Variants in KSR1 observed in about 807,000 individuals in gnomAD.
KSR1 encodes kinase suppressor of ras 1, also known as kinase suppressor of ras.
In KSR1, 35 loss-of-function variants were observed where a neutral mutation model predicts 92.9. The observed-to-expected ratio is 0.38, with a 90% CI of 0.29 to 0.50. The LOEUF is 0.50. Among genes scored for constraint, KSR1 ranks in the 20% least tolerant of loss-of-function variants. The pLI is 0.94. For missense variants in KSR1, 972 were observed against 1,158.5 expected (o/e 0.84, Z 2.34); for synonymous variants, 467 against 472.6 (o/e 0.99, Z 0.15).
At chr17:27,570,331 G>A (rs754872619) in intron 2 of KSR1, among the ~76,000 whole-genome samples, 14 of 152,156 alleles carry the variant, frequency 9.2e-5, no homozygotes, top group Admixed American at 2.0e-4. Flanking sequence ...CAAGTTACCC[G>A]CCCTCTCTCA....
chr17:27,477,699 A>T (rs181541653), intron 1 of KSR1, among the ~76,000 whole-genome samples: 1 of 150,922 alleles, frequency 6.6e-6, no homozygotes, highest in East Asian at 1.9e-4. Context: ...GCTTCAGGGG[A>T]AGTTCCCTGT....
chr17:27,598,096 G>A (rs556404346), intron 10 of KSR1, among the ~76,000 whole-genome samples: 1 of 152,324 alleles, frequency 6.6e-6, no homozygotes, highest in African/African-American at 2.4e-5. Flanking sequence ...CCTGCCCTCA[G>A]CTGCTGGCCT....
At chr17:27,590,165 G>A (rs976433545) in intron 6 of KSR1, among the ~76,000 whole-genome samples, 7 of 152,198 alleles carry the variant, frequency 4.6e-5, no homozygotes, top group African/African-American at 1.7e-4. Flanking sequence ...AGTTGACAGT[G>A]CTACCATCCA....
chr17:27,475,881 G>A (rs1355463949), intron 1 of KSR1, among the ~76,000 whole-genome samples: 2 of 152,136 alleles, frequency 1.3e-5, no homozygotes, highest in Non-Finnish European at 2.9e-5. Flanking sequence ...CTGTTACATC[G>A]AGGAAAAATA....
chr17:27,569,098 T>C (rs1598047554), intron 2 of KSR1, among the ~76,000 whole-genome samples: 1 of 152,350 alleles, frequency 6.6e-6, no homozygotes, highest in East Asian at 1.9e-4. Context: ...CAAGTTCTAG[T>C]GTGGGATCTT....
chr17:27,469,080 A>G (rs571246048), intron 1 of KSR1, among the ~76,000 whole-genome samples: 2 of 152,306 alleles, frequency 1.3e-5, no homozygotes, highest in South Asian at 4.1e-4. Context: ...TGCTGAGTAC[A>G]GGAAGGTGCT....
chr17:27,550,712 TG>T lies in KSR1; in HGVS notation c.372+5del. The T allele has an allele frequency of 1.3e-6, 1 of 762,438 alleles. No individual in the cohort carries two copies. Among genetic ancestry groups the T allele is most frequent in the Non-Finnish European group, 2.4e-6 (1 of 417,034 alleles). The allele number at this position is 762,438 out of a possible 1,614,324, so 47.2% of individuals were successfully genotyped here. A position where few individuals can be genotyped will look rare whatever the true frequency, so the allele number is the denominator to read the frequency against. On this transcript the variant is annotated splice_donor_5th_base_variant and intron_variant, in intron 2 of 20. Transcript: ENST00000644974. Reference sequence around the variant, plus strand: ...CGTGAGGCCGGAGGTGGTGCAGGTATGCAAGCTGGTTCTCAGCATAGGGATA... The same window carrying T: ...CGTGAGGCCGGAGGTGGTGCAGGTATCAAGCTGGTTCTCAGCATAGGGATA...
intron 1 of KSR1, among the ~76,000 whole-genome samples, chr17:27,488,868 G>A (rs1414702409): frequency 6.6e-6 from 1 of 152,210 alleles, no homozygotes; most frequent in Admixed American, 6.5e-5. Flanking sequence ...GGAGGCTGAG[G>A]CAAGAGAATT....
At position 27,501,347 on chromosome 17, in the gene KSR1, C is replaced by G. The variant is rs576462768; in HGVS notation, c.231+44473C>G. 1.9e-3 allele frequency among the ~76,000 whole-genome samples: 207 copies of G among 110,062 alleles called. 1 individual carries two copies. The highest frequency in any genetic ancestry group is 7.1e-3 in the African/African-American group (200 of 28,174). 72.2% of individuals were successfully genotyped at this position (110,062 alleles called of 152,430 possible). ...TGAAGTGCAGTGGCTGTGATCTTGG[C>G]TCACTGAATCTCTGGTTCAAGTGAT... On this transcript the variant is annotated intron_variant, in intron 1 of 20. Transcript: ENST00000644974.
intron 1 of KSR1, among the ~76,000 whole-genome samples, chr17:27,468,893 G>A (rs536961700): frequency 6.6e-6 from 1 of 152,306 alleles, no homozygotes; most frequent in African/African-American, 2.4e-5. Context: ...TAACGAAGCA[G>A]GGCCCCCAGA....
intron 1 of KSR1, among the ~76,000 whole-genome samples, chr17:27,504,012 C>T (rs2069286876): frequency 6.6e-6 from 1 of 152,200 alleles, no homozygotes; most frequent in Non-Finnish European, 1.5e-5. Context: ...TTGGATTAGG[C>T]AGGTGGGTAT....
At chr17:27,599,478 A>G (rs372878930) in intron 10 of KSR1, among the ~76,000 whole-genome samples, 4 of 152,218 alleles carry the variant, frequency 2.6e-5, no homozygotes, top group African/African-American at 9.6e-5. Context: ...AATCGCTTGA[A>G]CCCAGGATGT....
At chr17:27,527,092 A>G (rs2151033584) in intron 1 of KSR1, 2 of 414,160 alleles carry the variant, frequency 4.8e-6, no homozygotes, top group South Asian at 5.1e-5. Context: ...TTGATTGCTT[A>G]AGGGCAATAG....
intron 1 of KSR1, among the ~76,000 whole-genome samples, chr17:27,531,569 C>G (rs1202567730): frequency 6.6e-6 from 1 of 152,154 alleles, no homozygotes; most frequent in East Asian, 1.9e-4. Context: ...GGGGAGAACC[C>G]CTCCTGTGGG....
At chr17:27,527,036 C>A in intron 1 of KSR1, 1 of 474,066 alleles carries the variant, frequency 2.1e-6, no homozygotes, top group Non-Finnish European at 4.0e-6. Flanking sequence ...CCGGCAGGGA[C>A]AGCTCGGCTG....
chr17:27,487,520 C>T lies in KSR1; in HGVS notation c.231+30646C>T, dbSNP rs188220185. Among the ~76,000 whole-genome samples the T allele has an allele frequency of 9.4e-5, 14 of 149,052 alleles. No individual in the cohort carries two copies. In the East Asian group the frequency reaches 1.2e-3, roughly 13 times the overall value. On this transcript the variant is annotated intron_variant, in intron 1 of 20. Transcript: ENST00000644974. ...TCCCAGCACTTTGGGAGGCCGAGGTCGGTGGATCACTTGAGGCCAGGAGTT... is the reference window on the plus strand; with the variant it reads ...TCCCAGCACTTTGGGAGGCCGAGGTTGGTGGATCACTTGAGGCCAGGAGTT...
intron 1 of KSR1, among the ~76,000 whole-genome samples, chr17:27,502,476 C>A (rs908464806): frequency 1.3e-5 from 2 of 152,048 alleles, no homozygotes; most frequent in African/African-American, 4.8e-5. Context: ...CCTGTACAAT[C>A]TTTTCCTTTT....
intron 18 of KSR1, among the ~76,000 whole-genome samples, chr17:27,615,020 GCTGAGGCAGC>G: frequency 6.6e-6 from 1 of 152,334 alleles, no homozygotes; most frequent in Admixed American, 6.5e-5. Flanking sequence ...TGCTTTATGT[GCTGAGGCAGC>G]CAGTGAGTTA....
At chr17:27,556,572 G>A (rs1411312348) in intron 2 of KSR1, among the ~76,000 whole-genome samples, 1 of 152,206 alleles carries the variant, frequency 6.6e-6, no homozygotes, top group South Asian at 2.1e-4. Flanking sequence ...GGACCAGACA[G>A]TAAACTGCAC....
Sources: gnomAD v4.1 joint callset for allele counts (sites outside exome capture counted in the v4.1 genomes callset) on GRCh38, gnomAD v4.1.1 for gene constraint, MANE v1.5 for transcripts, NCBI Gene and HGNC (gene_info 2026-07-23, HGNC 2026-07-21) for gene names.